Variants in UNC5C observed in about 807,000 individuals in gnomAD.
UNC5C encodes the protein netrin receptor UNC5C.
A neutral mutation model predicts 99.8 loss-of-function variants in UNC5C; 47 were observed. The observed-to-expected ratio is 0.47, with a 90% CI of 0.37 to 0.60. The LOEUF is 0.60. Among genes scored for constraint, UNC5C ranks in the 20% least tolerant of loss-of-function variants. The pLI, the probability that UNC5C is intolerant of heterozygous loss-of-function variation, is 0.00. For synonymous variants in UNC5C, 487 were observed against 452.2 expected (o/e 1.08, Z -0.98); for missense variants, 1,062 against 1,165.9 (o/e 0.91, Z 1.30).
rs117611877 is a variant in UNC5C at position 95,467,810 on chromosome 4, T to A, written c.124+80924A>T. On this transcript the variant is annotated intron_variant, in intron 1 of 15. Coordinates refer to ENST00000453304, the MANE Select transcript of UNC5C (RefSeq NM_003728.4). ...GAAGCCTTACCAATAACATAAACAG[T>A]CAATTAACACATATATTGTATGTTA... Among the ~76,000 whole-genome samples, 439 of 152,264 alleles carry A rather than the reference T, an allele frequency of 2.9e-3. 10 individuals are homozygous for A. The East Asian group carries it at 0.034, about 12-fold the overall frequency.
chr4:95,233,154 C>T (rs1485180621), intron 7 of UNC5C, among the ~76,000 whole-genome samples: 1 of 152,184 alleles, frequency 6.6e-6, no homozygotes, highest in African/African-American at 2.4e-5. Flanking sequence ...AGAGCTCTGC[C>T]ACTTCCTCTG....
chr4:95,368,123 C>T (rs1004850586), intron 1 of UNC5C, among the ~76,000 whole-genome samples: 13 of 152,036 alleles, frequency 8.6e-5, no homozygotes, highest in South Asian at 2.1e-4. Flanking sequence ...AACATTTTGA[C>T]GTCTAAAATA....
intron 1 of UNC5C, among the ~76,000 whole-genome samples, chr4:95,513,320 A>ATTAAGGTT (rs1373907486): frequency 6.6e-5 from 10 of 152,208 alleles, no homozygotes; most frequent in Non-Finnish European, 1.5e-4. Context: ...TGCCAGGCGC[A>ATTAAGGTT]CACCAGCCCA....
chr4:95,392,134 C>G (rs10005976), intron 1 of UNC5C, among the ~76,000 whole-genome samples: 27,136 of 152,028 alleles, frequency 0.18, 3,036 homozygotes, highest in Admixed American at 0.31. Flanking sequence ...AGAAATGTAT[C>G]TTTAAGCCCT....
At chr4:95,250,159 G>T (rs1267417673) in intron 5 of UNC5C, among the ~76,000 whole-genome samples, 1 of 152,122 alleles carries the variant, frequency 6.6e-6, no homozygotes, top group Non-Finnish European at 1.5e-5. Context: ...ATCAGTACGA[G>T]GAAAGCAATT....
At chr4:95,257,294 C>T (rs774860348) in intron 4 of UNC5C, among the ~76,000 whole-genome samples, 7 of 152,000 alleles carry the variant, frequency 4.6e-5, no homozygotes, top group Non-Finnish European at 8.8e-5. Context: ...TTTGCAGCTA[C>T]TTGGGAGGCT....
chr4:95,358,250 T>A (rs1388562492), intron 1 of UNC5C, among the ~76,000 whole-genome samples: 3 of 152,194 alleles, frequency 2.0e-5, no homozygotes, highest in African/African-American at 7.2e-5. Context: ...CAATTCTAGA[T>A]CCATGTGTGT....
At chr4:95,264,168 G>A (rs1203748921) in intron 4 of UNC5C, among the ~76,000 whole-genome samples, 1 of 151,578 alleles carries the variant, frequency 6.6e-6, no homozygotes, top group East Asian at 2.0e-4. Flanking sequence ...TTCACATTGT[G>A]AGTCTTTATT....
intron 1 of UNC5C, among the ~76,000 whole-genome samples, chr4:95,377,973 G>A (rs1744945898): frequency 6.6e-6 from 1 of 152,146 alleles, no homozygotes; most frequent in African/African-American, 2.4e-5. Context: ...ATGGGCACAG[G>A]TTCCTTCCCC....
chr4:95,503,399 A>T (rs1260459851), intron 1 of UNC5C, among the ~76,000 whole-genome samples: 2 of 152,120 alleles, frequency 1.3e-5, no homozygotes, highest in Non-Finnish European at 2.9e-5. Context: ...CACAAAATGA[A>T]CTAAGACAAT....
chr4:95,180,131 CACTT>C (rs1324958745), intron 14 of UNC5C, among the ~76,000 whole-genome samples: 1 of 151,048 alleles, frequency 6.6e-6, no homozygotes, highest in Non-Finnish European at 1.5e-5. Flanking sequence ...CTGTTTAGAA[CACTT>C]ACTTACTAAC....
At chr4:95,190,189 A>T (rs1737014786) in intron 12 of UNC5C, among the ~76,000 whole-genome samples, 1 of 152,210 alleles carries the variant, frequency 6.6e-6, no homozygotes. Context: ...TGTCCTTTGT[A>T]GGGACATGGA....
At chr4:95,201,448 T>C (rs1737651257) in intron 12 of UNC5C, among the ~76,000 whole-genome samples, 2 of 152,166 alleles carry the variant, frequency 1.3e-5, no homozygotes, top group Non-Finnish European at 2.9e-5. Context: ...ATTTCTAATA[T>C]GTATTTTCAA....
At chr4:95,532,692 G>A (rs1026398287) in intron 1 of UNC5C, among the ~76,000 whole-genome samples, 2 of 152,122 alleles carry the variant, frequency 1.3e-5, no homozygotes, top group Non-Finnish European at 2.9e-5. Flanking sequence ...GAGCTTAAGC[G>A]AAAGCTGATA....
chr4:95,449,299 C>T (rs1747214474), intron 1 of UNC5C, among the ~76,000 whole-genome samples: 1 of 152,142 alleles, frequency 6.6e-6, no homozygotes, highest in Non-Finnish European at 1.5e-5. Context: ...AGGGCCATTG[C>T]CTGTCATGAC....
intron 3 of UNC5C, among the ~76,000 whole-genome samples, chr4:95,292,263 ATAT>A (rs1245362782): frequency 0.03 from 1,730 of 57,788 alleles, 24 homozygotes; most frequent in Middle Eastern, 0.092. Context: ...ATATATATAT[ATAT>A]AAATTTTTTT....
rs576183558 is a variant in UNC5C, at chr4:95,441,645, T to C, written c.125-106014A>G. Among the ~76,000 whole-genome samples the C allele has an allele frequency of 3.3e-5, 5 of 152,264 alleles. No individual in the cohort carries two copies. In the East Asian group the frequency reaches 7.7e-4, roughly 24 times the overall value. Reference sequence around the variant, plus strand: ...CACTGTTCTGTATATGAATATGTAATACATATATATACATAGACACATAAT... The same window carrying C: ...CACTGTTCTGTATATGAATATGTAACACATATATATACATAGACACATAAT... On this transcript the variant is annotated intron_variant, in intron 1 of 15. Transcript: ENST00000453304.
chr4:95,429,294 A>AC (rs35705484), intron 1 of UNC5C, among the ~76,000 whole-genome samples: 35,403 of 149,282 alleles, frequency 0.24, 5,167 homozygotes, highest in East Asian at 0.58. Flanking sequence ...AAAAAAAAAA[A>AC]AAACAAACAA....
intron 1 of UNC5C, among the ~76,000 whole-genome samples, chr4:95,511,711 T>C (rs1722080534): frequency 6.6e-6 from 1 of 152,102 alleles, no homozygotes; most frequent in Non-Finnish European, 1.5e-5. Flanking sequence ...GCATAGGAGA[T>C]AAAGCTGATC....
Sources: gnomAD v4.1 joint callset for allele counts (sites outside exome capture counted in the v4.1 genomes callset) on GRCh38, gnomAD v4.1.1 for gene constraint, MANE v1.5 for transcripts, NCBI Gene and HGNC (gene_info 2026-07-23, HGNC 2026-07-21) for gene names.